Variants in SPTBN1 observed in about 807,000 individuals in gnomAD.
The protein encoded by SPTBN1 is spectrin beta, non-erythrocytic 1.
A neutral mutation model predicts 266.4 loss-of-function variants in SPTBN1; 32 were observed. The ratio of observed to expected loss-of-function variants is 0.12; its 90% confidence interval spans 0.09 to 0.16. The LOEUF (loss-of-function observed/expected upper bound fraction) is 0.16, where lower values mean the gene tolerates loss of function less well. SPTBN1 is among the 10% of genes least tolerant of loss of function. The pLI is 1.00. For synonymous variants in SPTBN1, 1,336 were observed against 1,162.2 expected (o/e 1.15, Z -3.04); for missense variants, 2,296 against 3,067.1 (o/e 0.75, Z 5.94).
At position 54,458,308 on chromosome 2, in the gene SPTBN1, T is replaced by G. The variant is rs532609578; in HGVS notation, c.-48+1790T>G. 3.3e-5 allele frequency among the ~76,000 whole-genome samples: 5 copies of G among 152,372 alleles called. No individual in the cohort carries two copies. The South Asian group carries it at 1.0e-3, about 32-fold the overall frequency. ...TTTTAAAAGGAATTTATATGTTTTT[T>G]AATGGATAGTAAATGATTCCTTTAG... On this transcript the variant is annotated intron_variant, in intron 1 of 35. Transcript: ENST00000356805.
intron 1 of SPTBN1, among the ~76,000 whole-genome samples, chr2:54,511,724 T>C (rs1294303184): frequency 1.3e-5 from 2 of 151,400 alleles, no homozygotes; most frequent in African/African-American, 4.9e-5. Context: ...ATTAGCCAGG[T>C]GTGGTGGTGG....
chr2:54,600,510 G>A (rs1260513148), intron 3 of SPTBN1, among the ~76,000 whole-genome samples: 2 of 152,208 alleles, frequency 1.3e-5, no homozygotes, highest in Non-Finnish European at 2.9e-5. Context: ...GTCTGGGGGT[G>A]AGGGAGTGGA....
intron 2 of SPTBN1, chr2:54,529,819 T>C: frequency 2.2e-6 from 1 of 459,330 alleles, no homozygotes; most frequent in Admixed American, 2.5e-5. Flanking sequence ...TGAGTCCATC[T>C]GGCTAATTCT....
intron 1 of SPTBN1, among the ~76,000 whole-genome samples, chr2:54,462,458 C>T (rs1237710071): frequency 1.3e-5 from 2 of 152,274 alleles, no homozygotes; most frequent in Non-Finnish European, 2.9e-5. Flanking sequence ...TTTATTTGTA[C>T]ACAGTTCTTT....
At chr2:54,536,010 G>C (rs1671576586) in intron 2 of SPTBN1, among the ~76,000 whole-genome samples, 1 of 152,188 alleles carries the variant, frequency 6.6e-6, no homozygotes, top group Admixed American at 6.5e-5. Context: ...GGTGACAAGA[G>C]CAAGACTCTG....
chr2:54,617,299 C>T (rs558333802), intron 5 of SPTBN1, among the ~76,000 whole-genome samples: 3 of 152,300 alleles, frequency 2.0e-5, no homozygotes, highest in African/African-American at 7.2e-5. Context: ...AAGCAGAGGC[C>T]TCAGAGGTGT....
rs139339491 is a variant in SPTBN1 at position 54,647,163 on chromosome 2, G to A, written c.4899G>A (p.Lys1633=). The A allele has an allele frequency of 3.4e-5, 55 of 1,614,064 alleles. No individual in the cohort carries two copies. Among genetic ancestry groups the A allele is most frequent in the Middle Eastern group, 1.6e-4 (1 of 6,084 alleles). ...DEQSAVSMLK[K]HQILEQAVED... is the part of the protein sequence containing the mutation. Reference sequence around the variant, plus strand: ...AGAGTGCTGTCTCCATGTTGAAGAAGCACCAGATCTTAGAACAAGCTGTGG... The same window carrying A: ...AGAGTGCTGTCTCCATGTTGAAGAAACACCAGATCTTAGAACAAGCTGTGG... Residue 1633 remains lysine, a synonymous_variant, in exon 24 of 36, where the codon AAG becomes AAA. Coordinates refer to ENST00000356805, the MANE Select transcript of SPTBN1 (RefSeq NM_003128.3).
At chr2:54,575,551 A>G (rs1267204617) in intron 2 of SPTBN1, among the ~76,000 whole-genome samples, 1 of 152,256 alleles carries the variant, frequency 6.6e-6, no homozygotes, top group Non-Finnish European at 1.5e-5. Flanking sequence ...AAAATTGCCT[A>G]AGGGCATTTA....
intron 3 of SPTBN1, among the ~76,000 whole-genome samples, chr2:54,610,733 A>G (rs898243844): frequency 9.9e-5 from 15 of 152,218 alleles, no homozygotes; most frequent in Non-Finnish European, 2.9e-5. Flanking sequence ...ATACATAGCA[A>G]GCAGTTCATC....
intron 1 of SPTBN1, among the ~76,000 whole-genome samples, chr2:54,498,597 T>C (rs1669092854): frequency 6.6e-6 from 1 of 152,334 alleles, no homozygotes; most frequent in African/African-American, 2.4e-5. Context: ...CCTGGGCACA[T>C]AGTAAAAGCT....
At chr2:54,666,122 G>C (rs939620387) in intron 34 of SPTBN1, 34 bp downstream of exon 34, 3 of 1,582,124 alleles carry the variant, frequency 1.9e-6, no homozygotes, top group Non-Finnish European at 2.6e-6. Flanking sequence ...CTGCCAGAGT[G>C]GGTTTGCATT....
At chr2:54,632,475 G>T in intron 16 of SPTBN1, 91 bp from the exon 17 acceptor site, 1 of 1,271,942 alleles carries the variant, frequency 7.9e-7, no homozygotes. Flanking sequence ...AATGAAGAAA[G>T]TGTTGTGAAC....
At chr2:54,506,908 T>TTTTTTTTTA (rs1669596659) in intron 1 of SPTBN1, among the ~76,000 whole-genome samples, 3 of 146,754 alleles carry the variant, frequency 2.0e-5, no homozygotes, top group South Asian at 2.2e-4. Context: ...TTTTTTTTTT[T>TTTTTTTTTA]GAGCAACAAG....
At chr2:54,548,876 A>C (rs547953319) in intron 2 of SPTBN1, among the ~76,000 whole-genome samples, 1 of 152,330 alleles carries the variant, frequency 6.6e-6, no homozygotes, top group South Asian at 2.1e-4. Flanking sequence ...AGGCTCTCTG[A>C]GTCACCATAT....
intron 4 of SPTBN1, among the ~76,000 whole-genome samples, chr2:54,614,397 T>C (rs1453048235): frequency 6.6e-6 from 1 of 152,152 alleles, no homozygotes; most frequent in Admixed American, 6.5e-5. Context: ...TATGTGTGTG[T>C]GTGCGTGCGT....
intron 3 of SPTBN1, among the ~76,000 whole-genome samples, chr2:54,606,091 C>T (rs1384425631): frequency 1.3e-5 from 2 of 152,156 alleles, no homozygotes; most frequent in Middle Eastern, 3.2e-3. Flanking sequence ...ATACATGTTT[C>T]CTGTTTGTGG....
At chr2:54,642,595 G>A (rs1196332821) in intron 18 of SPTBN1, among the ~76,000 whole-genome samples, 1 of 147,092 alleles carries the variant, frequency 6.8e-6, no homozygotes, top group Non-Finnish European at 1.5e-5. Context: ...TGGAGTAAAA[G>A]TCAATCATGA....
chr2:54,657,889 C>T lies in SPTBN1; in HGVS notation c.6086C>T (p.Ala2029Val). 1 of 1,614,242 alleles carries T rather than the reference C, an allele frequency of 6.2e-7. No homozygotes were observed. Residue 2029 changes from alanine to valine, a missense_variant, in exon 30 of 36, where the codon GCC (alanine) becomes GTC (valine). Coordinates refer to ENST00000356805, the MANE Select transcript of SPTBN1 (RefSeq NM_003128.3). ...VHQFSRDASV[A>V]EAWLLGQEPY... ...CAGTTCTCAAGAGACGCCAGTGTGGCCGAGGCCTGGCTGCTTGGACAGGAG... is the reference window on the plus strand; with the variant it reads ...CAGTTCTCAAGAGACGCCAGTGTGGTCGAGGCCTGGCTGCTTGGACAGGAG...
intron 2 of SPTBN1, among the ~76,000 whole-genome samples, chr2:54,588,483 G>GT (rs958231736): frequency 2.0e-5 from 3 of 152,142 alleles, no homozygotes; most frequent in African/African-American, 7.2e-5. Context: ...TTGGGATTCT[G>GT]TAGGGTTCAG....
Sources: allele counts gnomAD v4.1 joint callset (sites outside exome capture counted in the v4.1 genomes callset), GRCh38; gene constraint gnomAD v4.1.1; transcripts MANE v1.5; gene names NCBI Gene and HGNC (gene_info 2026-07-23, HGNC 2026-07-21).